ARL15: variants seen among roughly 807,000 people sequenced by gnomAD.
ARL15 encodes the protein ADP-ribosylation factor-like protein 15.
ARL15 carries 19 observed loss-of-function variants against 25.2 expected under a neutral mutation model. The ratio of observed to expected loss-of-function variants is 0.75; its 90% CI spans 0.53 to 1.10. The LOEUF (loss-of-function observed/expected upper bound fraction) is 1.10. Among genes scored for constraint, ARL15 ranks in the 50% least tolerant of loss-of-function variants. The pLI, the probability that ARL15 is intolerant of heterozygous loss-of-function variation, is 0.00. For synonymous variants in ARL15, 94 were observed against 86.8 expected (o/e 1.08, Z -0.46); for missense variants, 220 against 246.0 (o/e 0.89, Z 0.71).
chr5:54,187,498 A>G (rs1221345759), intron 1 of ARL15, among the ~76,000 whole-genome samples: 2 of 152,198 alleles, frequency 1.3e-5, no homozygotes, highest in Admixed American at 6.5e-5. Flanking sequence ...TCATCTTCCA[A>G]TTCCACAGAC....
chr5:54,200,503 C>T (rs1298158578), intron 1 of ARL15, among the ~76,000 whole-genome samples: 2 of 147,024 alleles, frequency 1.4e-5, no homozygotes, highest in Admixed American at 1.4e-4. Flanking sequence ...CCATGACTGG[C>T]AATAAGAAAC....
At chr5:54,304,474 T>G (rs1028098933) in intron 1 of ARL15, among the ~76,000 whole-genome samples, 2 of 152,186 alleles carry the variant, frequency 1.3e-5, no homozygotes, top group African/African-American at 2.4e-5. Flanking sequence ...TTTGGCATCT[T>G]TCAGAATGCA....
intron 2 of ARL15, 74 bp from the exon 3 acceptor site, chr5:54,154,713 G>T (rs547142588): frequency 5.9e-5 from 50 of 852,422 alleles, no homozygotes; most frequent in Non-Finnish European, 1.8e-6. Flanking sequence ...TGCTCAAATT[G>T]TCTCTTTTTA....
chr5:54,078,987 G>A (rs978063842), intron 4 of ARL15, among the ~76,000 whole-genome samples: 1 of 152,094 alleles, frequency 6.6e-6, no homozygotes, highest in African/African-American at 2.4e-5. Flanking sequence ...AAAGAATTCA[G>A]TGGTTTGTGC....
chr5:54,111,342 T>C (rs961188330), intron 4 of ARL15, among the ~76,000 whole-genome samples: 30 of 152,066 alleles, frequency 2.0e-4, no homozygotes, highest in African/African-American at 7.0e-4. Context: ...TCAGTCTTAC[T>C]GAAAGATGAA....
intron 4 of ARL15, among the ~76,000 whole-genome samples, chr5:53,952,550 TG>T (rs1401166289): frequency 1.3e-5 from 2 of 152,214 alleles, no homozygotes; most frequent in African/African-American, 4.8e-5. Context: ...AAAATGAATG[TG>T]AAAAAAATCA....
At position 54,185,043 on chromosome 5, in the gene ARL15, C is replaced by A. The variant is rs183853416; in HGVS notation, c.49-13115G>T. Among the ~76,000 whole-genome samples, 116 of 152,244 alleles carry A rather than the reference C, an allele frequency of 7.6e-4. 1 individual carries two copies. Among genetic ancestry groups the A allele is most frequent in the Non-Finnish European group, 1.2e-3 (85 of 68,018 alleles). On this transcript the variant is annotated intron_variant, in intron 1 of 4. Transcript: ENST00000504924. ...AGGAGCTTTATGATCTGACCTTTGCCTTCATTTCTGGCATCCAATAGTTGT... is the reference window on the plus strand; with the variant it reads ...AGGAGCTTTATGATCTGACCTTTGCATTCATTTCTGGCATCCAATAGTTGT...
chr5:53,996,447 C>T lies in ARL15; in HGVS notation c.463-109734G>A, dbSNP rs532705052. Among the ~76,000 whole-genome samples the T allele has an allele frequency of 9.2e-5, 14 of 152,056 alleles. No individual in the cohort carries two copies. The South Asian group carries it at 1.5e-3, about 16-fold the overall frequency. On this transcript the variant is annotated intron_variant, in intron 4 of 4. Coordinates refer to ENST00000504924, the MANE Select transcript of ARL15 (RefSeq NM_019087.3). The stretch of plus-strand genomic sequence containing the variant: ...CAGCTTTGCCAGCATGGCAAAACTC[C>T]GTCTCCACTAAAAATACAAAAATTA...
chr5:53,905,197 T>C (rs1437395475), intron 4 of ARL15, among the ~76,000 whole-genome samples: 4 of 152,194 alleles, frequency 2.6e-5, no homozygotes, highest in African/African-American at 9.7e-5. Flanking sequence ...GTCTGAAGTT[T>C]AGAGTGTTAC....
chr5:53,946,841 G>A (rs761864981), intron 4 of ARL15, among the ~76,000 whole-genome samples: 29 of 152,124 alleles, frequency 1.9e-4, no homozygotes, highest in Non-Finnish European at 3.7e-4. Context: ...AAGCAAATCA[G>A]AACTCACCAT....
At chr5:53,916,776 G>GA (rs1394690470) in intron 4 of ARL15, among the ~76,000 whole-genome samples, 1 of 152,066 alleles carries the variant, frequency 6.6e-6, no homozygotes, top group Non-Finnish European at 1.5e-5. Flanking sequence ...AACAACACAA[G>GA]AAGGCCCAAG....
intron 1 of ARL15, among the ~76,000 whole-genome samples, chr5:54,258,699 A>AT (rs1757427022): frequency 3.3e-5 from 5 of 152,316 alleles, no homozygotes; most frequent in African/African-American, 1.2e-4. Context: ...GAAAGCCACC[A>AT]GATCAGAAGG....
intron 4 of ARL15, among the ~76,000 whole-genome samples, chr5:54,040,037 C>T (rs761978899): frequency 2.0e-5 from 3 of 152,174 alleles, no homozygotes; most frequent in Non-Finnish European, 2.9e-5. Flanking sequence ...ACATTTGACT[C>T]ATTTGACAAG....
At chr5:54,191,419 C>CCCACCCCT (rs1755396866) in intron 1 of ARL15, among the ~76,000 whole-genome samples, 1 of 151,966 alleles carries the variant, frequency 6.6e-6, no homozygotes, top group Non-Finnish European at 1.5e-5. Context: ...ATTATAAATG[C>CCCACCCCT]ATTTAATACC....
At chr5:54,142,490 A>G (rs1194791820) in intron 3 of ARL15, among the ~76,000 whole-genome samples, 2 of 152,168 alleles carry the variant, frequency 1.3e-5, no homozygotes, top group Admixed American at 6.5e-5. Flanking sequence ...AACAACTCAG[A>G]ACAGAGGACC....
chr5:53,934,711 C>G (rs971908042), intron 4 of ARL15, among the ~76,000 whole-genome samples: 7 of 152,146 alleles, frequency 4.6e-5, no homozygotes, highest in Admixed American at 4.6e-4. Context: ...GCCCAAATCA[C>G]AGTCATATTT....
At chr5:53,961,388 C>G (rs996677801) in intron 4 of ARL15, among the ~76,000 whole-genome samples, 22 of 150,418 alleles carry the variant, frequency 1.5e-4, no homozygotes, top group African/African-American at 5.1e-4. Flanking sequence ...GTCCCAGCTA[C>G]TCGGGAGGCT....
At chr5:54,297,739 C>T (rs1243014842) in intron 1 of ARL15, among the ~76,000 whole-genome samples, 1 of 152,198 alleles carries the variant, frequency 6.6e-6, no homozygotes, top group African/African-American at 2.4e-5. Context: ...CTCCATACAA[C>T]ATTTATGGTT....
intron 4 of ARL15, among the ~76,000 whole-genome samples, chr5:53,948,787 T>C (rs1321692424): frequency 6.6e-6 from 1 of 152,232 alleles, no homozygotes; most frequent in African/African-American, 2.4e-5. Flanking sequence ...GTCACAATTG[T>C]GCCCACTCAG....
Sources: gnomAD v4.1 joint callset for allele counts (sites outside exome capture counted in the v4.1 genomes callset) on GRCh38, gnomAD v4.1.1 for gene constraint, MANE v1.5 for transcripts, NCBI Gene and HGNC (gene_info 2026-07-23, HGNC 2026-07-21) for gene names.